The following UBA5 variants were observed in gnomAD, a reference collection of about 807,000 sequenced individuals.
UBA5 encodes ubiquitin-like modifier-activating enzyme 5.
UBA5 carries 28 observed loss-of-function variants against 52.9 expected under a neutral mutation model. The ratio of observed to expected loss-of-function variants is 0.53; its 90% CI spans 0.39 to 0.73. The LOEUF (loss-of-function observed/expected upper bound fraction) is 0.73. Among genes scored for constraint, UBA5 ranks in the 30% least tolerant of loss-of-function variants. The probability of loss-of-function intolerance (pLI) is 0.00; values close to 1 mark genes in which losing one functional copy is unlikely to be tolerated. For synonymous variants in UBA5, 135 were observed against 162.1 expected, an observed-to-expected ratio of 0.83 and a Z score of 1.27; for missense variants, 388 against 492.7, an observed-to-expected ratio of 0.79 and a Z score of 2.01.
chr3:132,659,730 C>T (rs1254140672), upstream of UBA5: 27 of 1,605,920 alleles, frequency 1.7e-5, no homozygotes, highest in Non-Finnish European at 2.2e-5. Context: ...AAATCGGACT[C>T]GCCAGTAGCA....
upstream of UBA5, chr3:132,659,810 T>C: frequency 6.6e-7 from 1 of 1,526,318 alleles, no homozygotes. Context: ...CCGAAGTCCT[T>C]CAGGATTGGG....
rs542442745 is a variant in UBA5 at position 132,679,731 on chromosome 3, A to G, written c.*3205A>G. Among the ~76,000 whole-genome samples the G allele has an allele frequency of 4.6e-5, 7 of 152,302 alleles. No individual in the cohort carries two copies. In the South Asian group the frequency reaches 6.2e-4, roughly 14 times the overall value. ...TGATAAACCGAACACATTACTTGCT[A>G]TGTATTAAATGACTTGTACCACTAA... On this transcript the variant is annotated 3_prime_UTR_variant, in exon 12 of 12. Transcript: ENST00000356232.
chr3:132,679,040 T>C lies in UBA5; in HGVS notation c.*2514T>C, dbSNP rs149377335. ...ATCTCAGCACTTTGGGAGGCTGAGG[T>C]GGGTAGGTCAAGAGGTCAGGAGTTC... On this transcript the variant is annotated 3_prime_UTR_variant, in exon 12 of 12. Coordinates refer to ENST00000356232, the MANE Select transcript of UBA5 (RefSeq NM_024818.6). Among the ~76,000 whole-genome samples, 182 of 151,600 alleles carry C rather than the reference T, an allele frequency of 1.2e-3. 1 individual carries two copies. The highest frequency in any genetic ancestry group is 3.8e-3 in the African/African-American group (155 of 41,306).
chr3:132,676,651 A>C lies in UBA5; in HGVS notation c.*125A>C. On this transcript the variant is annotated 3_prime_UTR_variant, in exon 12 of 12. Transcript: ENST00000356232. This position sits in a 1 kb window ranked among gnomAD's most constrained non-coding sequence, Gnocchi z 4.1. ...TGTATATTCTTACCTGAATTGTTAT[A>C]CTTTTTGAAAATCCTGTGACTTGCC... The C allele has an allele frequency of 1.4e-6, 1 of 691,938 alleles. No individual in the cohort carries two copies. Among genetic ancestry groups the C allele is most frequent in the Non-Finnish European group, 2.4e-6 (1 of 408,376 alleles). The allele number at this position is 691,938 out of a possible 1,614,324, so 42.9% of individuals were successfully genotyped here.
intron 3 of UBA5, 105 bp downstream of exon 3, chr3:132,666,178 C>A (rs1323841556): frequency 3.4e-6 from 3 of 876,484 alleles, no homozygotes; most frequent in Non-Finnish European, 3.7e-6. Context: ...TATTGACTTG[C>A]AGTGTATTAA....
rs1031996236 is a variant in UBA5 at position 132,678,065 on chromosome 3, G to T, written c.*1539G>T. ...AATTCTTGCATATCAATTTAGTAAG[G>T]TTTTATAAAATTTTACAATTTGATA... On this transcript the variant is annotated 3_prime_UTR_variant, in exon 12 of 12. Coordinates refer to ENST00000356232, the MANE Select transcript of UBA5 (RefSeq NM_024818.6). 6.6e-6 allele frequency: 1 copy of T among 152,042 alleles called. No individual in the cohort carries two copies. Among genetic ancestry groups the T allele is most frequent in the African/African-American group, 2.4e-5 (1 of 41,396 alleles). The allele number at this position is 152,042 out of a possible 1,614,324, so 9.4% of individuals were successfully genotyped here.
At position 132,676,366 on chromosome 3, in the gene UBA5, T is replaced by G; in HGVS notation, c.1132-77T>G. 1.7e-6 allele frequency: 2 copies of G among 1,167,478 alleles called. No individual in the cohort carries two copies. The highest frequency in any genetic ancestry group is 2.5e-6 in the Non-Finnish European group (2 of 806,560). 72.3% of individuals were successfully genotyped at this position (1,167,478 alleles called of 1,614,324 possible). A position where few individuals can be genotyped will look rare whatever the true frequency, so the allele number is the denominator to read the frequency against. ...TAACCTTGTTGAGCATGGTCAAAAC[T>G]TGCTGATTATATATTCCTAAGCATC... On this transcript the variant is annotated intron_variant, in intron 11 of 11. Coordinates refer to ENST00000356232, the MANE Select transcript of UBA5 (RefSeq NM_024818.6). The surrounding 1 kb of genome is among the most constrained non-coding windows in gnomAD (Gnocchi z 4.1).
At chr3:132,671,519 C>T (rs958417226) in intron 6 of UBA5, among the ~76,000 whole-genome samples, 17 of 152,036 alleles carry the variant, frequency 1.1e-4, no homozygotes, top group Admixed American at 6.6e-5. Flanking sequence ...TGAAATTTCA[C>T]ATTAATTTGA....
rs1384969361 is a variant in UBA5 at position 132,677,997 on chromosome 3, TA to T, written c.*1477del. The T allele has an allele frequency of 6.6e-6, 1 of 152,212 alleles. No homozygotes were observed. Among genetic ancestry groups the T allele is most frequent in the African/African-American group, 2.4e-5 (1 of 41,478 alleles). The allele number at this position is 152,212 out of a possible 1,614,324, so 9.4% of individuals were successfully genotyped here. A position where few individuals can be genotyped will look rare whatever the true frequency, so the allele number is the denominator to read the frequency against. ...TCTAGTATGAGAGATGTTTTGAATT[TA>T]AAAAATGAAATGCAGTTTTTCAAAA... On this transcript the variant is annotated 3_prime_UTR_variant, in exon 12 of 12. Transcript: ENST00000356232.
chr3:132,663,189 G>T (rs1189789637), intron 1 of UBA5, among the ~76,000 whole-genome samples: 1 of 151,994 alleles, frequency 6.6e-6, no homozygotes, highest in African/African-American at 2.4e-5. Context: ...CCCCCAAAAG[G>T]CTCAGGAATA....
At chr3:132,668,994 A>C (rs1576645504) in intron 4 of UBA5, 67 bp downstream of exon 4, 1 of 1,038,658 alleles carries the variant, frequency 9.6e-7, no homozygotes, top group East Asian at 2.5e-5. Context: ...ATATGAGTTA[A>C]TATAAATGAA....
Position 132,676,035 on chromosome 3 carries a change from A to G in UBA5, c.1131+112A>G, listed in dbSNP as rs192528964. Reference sequence around the variant, plus strand: ...TTTCCTGTTTTAGATATTTTATGCTATAGGCATTAAGATGTGAGAGAGAGG... The same window carrying G: ...TTTCCTGTTTTAGATATTTTATGCTGTAGGCATTAAGATGTGAGAGAGAGG... On this transcript the variant is annotated intron_variant, in intron 11 of 11. Coordinates refer to ENST00000356232, the MANE Select transcript of UBA5 (RefSeq NM_024818.6). This position sits in a 1 kb window ranked among gnomAD's most constrained non-coding sequence, Gnocchi z 4.1. 4 of 733,504 alleles carry G rather than the reference A, an allele frequency of 5.5e-6. No individual in the cohort carries two copies. Among genetic ancestry groups the G allele is most frequent in the Non-Finnish European group, 8.9e-6 (4 of 450,986 alleles). The allele number at this position is 733,504 out of a possible 1,614,324, so 45.4% of individuals were successfully genotyped here.
intron 8 of UBA5, among the ~76,000 whole-genome samples, chr3:132,674,441 A>T (rs1029796417): frequency 7.2e-5 from 11 of 152,222 alleles, no homozygotes; most frequent in South Asian, 4.1e-4. Context: ...TAATCCCAAC[A>T]ATTTGGGAGG....
chr3:132,661,189 G>C, intron 1 of UBA5: 1 of 553,396 alleles, frequency 1.8e-6, no homozygotes, highest in Admixed American at 3.6e-5. Context: ...GACTGCCCAG[G>C]CCTCTCTTTT....
In UBA5 at chr3:132,675,237, G is replaced by T; in HGVS notation, c.813-11G>T. On this transcript the variant is annotated splice_polypyrimidine_tract_variant and intron_variant, in intron 8 of 11. Coordinates refer to ENST00000356232, the MANE Select transcript of UBA5 (RefSeq NM_024818.6). ...AAATTTCTTTATTTAAGTCTATTTT[G>T]ATTTTTCTAGGTTTCTGTTAAATTT... The T allele has an allele frequency of 6.4e-7, 1 of 1,559,190 alleles. No homozygotes were observed. Among genetic ancestry groups the T allele is most frequent in the South Asian group, 1.2e-5 (1 of 83,554 alleles).
In UBA5 at chr3:132,676,504, T is replaced by C; in HGVS notation, c.1193T>C (p.Met398Thr). The C allele has an allele frequency of 6.2e-7, 1 of 1,610,230 alleles. No individual in the cohort carries two copies. Among genetic ancestry groups the C allele is most frequent in the South Asian group, 1.1e-5 (1 of 90,204 alleles). ...TCTGGTGAAAGCTTGGAAGACCTCA[T>C]GGCCAAAATGAAGAATATGTAGATA... is the stretch of plus-strand genomic sequence containing the variant. Reference protein sequence around the residue: ...EDSGESLEDLMAKMKNM With the variant: ...EDSGESLEDLTAKMKNM The change falls in exon 12 of 12, where the codon ATG becomes ACG. Residue 398 changes from methionine to threonine, a missense_variant. By Grantham distance (81) the Met-to-Thr change is moderately conservative. Around this residue, in one of 3 missense-constraint regions of UBA5, gnomAD observed 277 missense variants for 326.4 expected, o/e 0.85. Coordinates refer to ENST00000356232, the MANE Select transcript of UBA5 (RefSeq NM_024818.6). The surrounding 1 kb of genome is among the most constrained non-coding windows in gnomAD (Gnocchi z 4.1).
In UBA5 at chr3:132,671,182, C is replaced by T. The variant is rs969984849; in HGVS notation, c.579+133C>T. On this transcript the variant is annotated intron_variant, in intron 6 of 11. Coordinates refer to ENST00000356232, the MANE Select transcript of UBA5 (RefSeq NM_024818.6). Reference sequence around the variant, plus strand: ...TTCTGTGTTTTATTTGTAATGTTCTCTTAGCCTACTCTTAAAATCTATTCT... The same window carrying T: ...TTCTGTGTTTTATTTGTAATGTTCTTTTAGCCTACTCTTAAAATCTATTCT... 3 of 708,636 alleles carry T rather than the reference C, an allele frequency of 4.2e-6. No individual in the cohort carries two copies. In the African/African-American group the frequency reaches 5.4e-5, roughly 13 times the overall value. The allele number at this position is 708,636 out of a possible 1,614,324, so 43.9% of individuals were successfully genotyped here. A position where few individuals can be genotyped will look rare whatever the true frequency, so the allele number is the denominator to read the frequency against.
At chr3:132,659,896 C>T, upstream of UBA5, 1 of 980,522 alleles carries the variant, frequency 1.0e-6, no homozygotes, top group Non-Finnish European at 1.4e-6. Context: ...GCCTACGCGC[C>T]GTTGCTGAGC....
chr3:132,676,552 T>C lies in UBA5; in HGVS notation c.*26T>C, dbSNP rs1190942703. On this transcript the variant is annotated 3_prime_UTR_variant, in exon 12 of 12. Transcript: ENST00000356232. The surrounding 1 kb of genome is among the most constrained non-coding windows in gnomAD (Gnocchi z 4.1). ...ATAATGGACTGGGATATATTGTATT[T>C]CTCATGTTAAAGCCTCTTCCCTTGA... 1 of 1,545,558 alleles carries C rather than the reference T, an allele frequency of 6.5e-7. No individual in the cohort carries two copies. The highest frequency in any genetic ancestry group is 8.8e-7 in the Non-Finnish European group (1 of 1,137,808).
Sources: gnomAD v4.1 joint callset for allele counts (sites outside exome capture counted in the v4.1 genomes callset) on GRCh38, gnomAD v4.1.1 for gene constraint, gnomAD v4.1.1 regional missense constraint, Gnocchi (gnomAD v3.1) non-coding constraint, MANE v1.5 for transcripts, NCBI Gene and HGNC (gene_info 2026-07-23, HGNC 2026-07-21) for gene names.